FSTL4: variants seen among roughly 807,000 people sequenced by gnomAD.
The protein encoded by FSTL4 is follistatin-related protein 4.
A neutral mutation model predicts 78.2 loss-of-function variants in FSTL4; 28 were observed. The observed-to-expected ratio is 0.36, with a 90% CI of 0.27 to 0.49. The LOEUF (loss-of-function observed/expected upper bound fraction) is 0.49, where lower values mean the gene tolerates loss of function less well. Ranked by LOEUF, FSTL4 falls within the 20% of genes least tolerant of loss-of-function variation. The pLI, the probability that FSTL4 is intolerant of heterozygous loss-of-function variation, is 0.98. For synonymous variants in FSTL4, 422 were observed against 440.5 expected (o/e 0.96, Z 0.53); for missense variants, 922 against 1,084.9 (o/e 0.85, Z 2.11).
chr5:133,838,181 C>T, the FSTL4 span, among the ~76,000 whole-genome samples: 27 of 152,334 alleles, frequency 1.8e-4, no homozygotes, highest in African/African-American at 5.5e-4. Context: ...AGCCACCGTG[C>T]CCAGCCAAGA....
At chr5:133,506,367 T>C (rs1758612501) in intron 3 of FSTL4, among the ~76,000 whole-genome samples, 1 of 152,144 alleles carries the variant, frequency 6.6e-6, no homozygotes, top group Admixed American at 6.5e-5. Flanking sequence ...AAGCCATTAT[T>C]AGCTTCCCAA....
chr5:133,741,309 G>A, the FSTL4 span, among the ~76,000 whole-genome samples: 2 of 152,260 alleles, frequency 1.3e-5, no homozygotes, highest in African/African-American at 4.8e-5. Context: ...CAAGGGCATG[G>A]TTGCAGCTGG....
the FSTL4 span, among the ~76,000 whole-genome samples, chr5:133,769,045 C>A: frequency 6.6e-6 from 1 of 152,322 alleles, no homozygotes; most frequent in African/African-American, 2.4e-5. Flanking sequence ...TGCTTGCTGG[C>A]TTTACCAGCA....
At chr5:133,209,408 G>C (rs867483162) in intron 14 of FSTL4, among the ~76,000 whole-genome samples, 28 of 152,150 alleles carry the variant, frequency 1.8e-4, no homozygotes, top group Admixed American at 5.9e-4. Flanking sequence ...GAGAGAGAGA[G>C]AGACCCTAAT....
intron 3 of FSTL4, among the ~76,000 whole-genome samples, chr5:133,486,882 T>C (rs1034387524): frequency 2.0e-5 from 3 of 152,094 alleles, no homozygotes; most frequent in Non-Finnish European, 4.4e-5. Flanking sequence ...TATGAGGAAA[T>C]TGAGGCCCAG....
intron 3 of FSTL4, among the ~76,000 whole-genome samples, chr5:133,464,807 T>C (rs1757670821): frequency 6.6e-6 from 1 of 152,250 alleles, no homozygotes; most frequent in Non-Finnish European, 1.5e-5. Flanking sequence ...GTTTTCATAC[T>C]TTTTATGTAT....
At chr5:133,478,823 G>A (rs1292533313) in intron 3 of FSTL4, among the ~76,000 whole-genome samples, 1 of 152,072 alleles carries the variant, frequency 6.6e-6, no homozygotes, top group East Asian at 1.9e-4. Context: ...GGAAAGGAGG[G>A]TGCCTTGTTA....
At chr5:133,266,158 G>A (rs553520413) in intron 6 of FSTL4, among the ~76,000 whole-genome samples, 6 of 152,308 alleles carry the variant, frequency 3.9e-5, no homozygotes, top group African/African-American at 1.2e-4. Context: ...CCCAGCCAGC[G>A]CTGGCCAGAC....
intron 3 of FSTL4, among the ~76,000 whole-genome samples, chr5:133,540,587 T>C (rs1333775846): frequency 6.6e-6 from 1 of 151,976 alleles, no homozygotes; most frequent in Non-Finnish European, 1.5e-5. Context: ...TTTTCTTAAT[T>C]TGACAACTTT....
chr5:133,392,824 A>G (rs994644064), intron 4 of FSTL4, among the ~76,000 whole-genome samples: 2 of 152,248 alleles, frequency 1.3e-5, no homozygotes, highest in Non-Finnish European at 2.9e-5. Context: ...CGGAGGCTGT[A>G]GCTTGTTTCC....
chr5:133,821,224 T>TC, the FSTL4 span, among the ~76,000 whole-genome samples: 1 of 152,360 alleles, frequency 6.6e-6, no homozygotes, highest in Admixed American at 6.5e-5. Flanking sequence ...TTCTTGAGGG[T>TC]TTCATGCTAA....
At chr5:133,335,595 A>T (rs552169282) in intron 4 of FSTL4, among the ~76,000 whole-genome samples, 2 of 150,888 alleles carry the variant, frequency 1.3e-5, no homozygotes, top group East Asian at 3.9e-4. Flanking sequence ...TCCCCCTATC[A>T]ACCCCTAAAC....
chr5:133,681,540 G>A, the FSTL4 span, among the ~76,000 whole-genome samples: 5 of 152,016 alleles, frequency 3.3e-5, no homozygotes, highest in Non-Finnish European at 5.9e-5. Flanking sequence ...TCAAAGGGGA[G>A]AATGTCTGAT....
At chr5:133,692,187 G>A in the FSTL4 span, among the ~76,000 whole-genome samples, 2 of 152,176 alleles carry the variant, frequency 1.3e-5, no homozygotes, top group Non-Finnish European at 2.9e-5. Context: ...GAGTCCTATT[G>A]GCAGGAAGTG....
intron 3 of FSTL4, among the ~76,000 whole-genome samples, chr5:133,437,485 GT>G (rs11401684): frequency 0.034 from 3,210 of 95,170 alleles, 14 homozygotes; most frequent in Middle Eastern, 0.055. Flanking sequence ...GTAAATAGGT[GT>G]TTTTTTTTTT....
At chr5:133,334,201 G>A (rs528638554) in intron 4 of FSTL4, 2 of 152,412 alleles carry the variant, frequency 1.3e-5, no homozygotes, top group East Asian at 3.9e-4. Context: ...ATGACGACAA[G>A]TTCCTAGGTG....
At chr5:133,696,394 G>A in the FSTL4 span, among the ~76,000 whole-genome samples, 1 of 152,202 alleles carries the variant, frequency 6.6e-6, no homozygotes, top group African/African-American at 2.4e-5. Context: ...GCAGGTCCTT[G>A]GGGCCCATCC....
the FSTL4 span, among the ~76,000 whole-genome samples, chr5:133,794,297 C>T: frequency 6.6e-6 from 1 of 152,238 alleles, no homozygotes; most frequent in Non-Finnish European, 1.5e-5. Flanking sequence ...GCAGACCCCA[C>T]CACGGTTACA....
At chr5:133,541,489 C>T (rs199550887) in intron 3 of FSTL4, among the ~76,000 whole-genome samples, 1 of 152,180 alleles carries the variant, frequency 6.6e-6, no homozygotes, top group East Asian at 1.9e-4. Context: ...ATCACTTCCA[C>T]AAAAGTCCCC....
Sources: gnomAD v4.1 joint callset for allele counts (sites outside exome capture counted in the v4.1 genomes callset) on GRCh38, gnomAD v4.1.1 for gene constraint, MANE v1.5 for transcripts, NCBI Gene and HGNC (gene_info 2026-07-23, HGNC 2026-07-21) for gene names.